Variants in VPS35L observed in about 807,000 individuals in gnomAD.
VPS35L encodes VPS35 endosomal protein sorting factor like.
A neutral mutation model predicts 133.0 loss-of-function variants in VPS35L; 83 were observed. The ratio of observed to expected loss-of-function variants is 0.62; its 90% CI spans 0.52 to 0.75. VPS35L has a LOEUF of 0.75. VPS35L is among the 30% of genes least tolerant of loss of function. The pLI is 0.00. For synonymous variants in VPS35L, 423 were observed against 449.9 expected, an observed-to-expected ratio of 0.94 and a Z score of 0.76; for missense variants, 1,083 against 1,206.8, an observed-to-expected ratio of 0.90 and a Z score of 1.52.
intron 5 of VPS35L, among the ~76,000 whole-genome samples, chr16:19,577,684 AT>A (rs1971580050): frequency 6.6e-6 from 1 of 152,076 alleles, no homozygotes; most frequent in Admixed American, 6.6e-5. Flanking sequence ...AGATGATGGT[AT>A]TAGGAGATGG....
In VPS35L at chr16:19,669,201, G is replaced by T; in HGVS notation, c.2263G>T (p.Val755Phe). Residue 755 changes from valine to phenylalanine, a missense_variant, in exon 27 of 31, where the codon GTT becomes TTT. Coordinates refer to ENST00000417362, the MANE Select transcript of VPS35L (RefSeq NM_020314.7). ...AGCCGCTATAAGCCTTGTTCCGGAA[G>T]TTCCAAAGATGATTAATATTGATGG... ...FKAAISLVPE[V>F]PKMINIDGKM... The T allele has an allele frequency of 6.2e-7, 1 of 1,612,254 alleles. No homozygotes were observed. Among genetic ancestry groups the T allele is most frequent in the Non-Finnish European group, 8.5e-7 (1 of 1,178,606 alleles).
chr16:19,612,599 A>T (rs1972759386), intron 12 of VPS35L, among the ~76,000 whole-genome samples: 1 of 152,216 alleles, frequency 6.6e-6, no homozygotes, highest in African/African-American at 2.4e-5. Context: ...TGTAGAACAT[A>T]GCAAATGCTT....
At chr16:19,638,287 T>C (rs1026483064) in intron 20 of VPS35L, among the ~76,000 whole-genome samples, 1 of 152,198 alleles carries the variant, frequency 6.6e-6, no homozygotes, top group Non-Finnish European at 1.5e-5. Context: ...TTATTCGACA[T>C]ATACCACACT....
At chr16:19,689,099 C>T (rs1272698880) in intron 28 of VPS35L, among the ~76,000 whole-genome samples, 3 of 147,578 alleles carry the variant, frequency 2.0e-5, no homozygotes, top group South Asian at 2.1e-4. Context: ...AGTGCAGGAG[C>T]GTGCCAGTAG....
chr16:19,664,147 A>T (rs540317131), intron 26 of VPS35L, among the ~76,000 whole-genome samples: 1 of 152,298 alleles, frequency 6.6e-6, no homozygotes, highest in East Asian at 1.9e-4. Context: ...ATACAAAATA[A>T]TGAGGTAGTC....
chr16:19,589,535 A>G (rs542726038), intron 7 of VPS35L, among the ~76,000 whole-genome samples: 2 of 152,142 alleles, frequency 1.3e-5, no homozygotes, highest in Non-Finnish European at 2.9e-5. Flanking sequence ...ATGAGCCACC[A>G]TGCCCAGCTG....
At chr16:19,664,294 T>C (rs1469402864) in intron 26 of VPS35L, among the ~76,000 whole-genome samples, 1 of 152,014 alleles carries the variant, frequency 6.6e-6, no homozygotes, top group African/African-American at 2.4e-5. Context: ...GGACGGTGGC[T>C]GCGTTTCTGG....
chr16:19,559,796 C>T (rs148038747), intron 1 of VPS35L, among the ~76,000 whole-genome samples: 4,063 of 152,166 alleles, frequency 0.027, 77 homozygotes, highest in Non-Finnish European at 0.041. Context: ...AAGCAATTCT[C>T]GTGCTTCAGC....
chr16:19,641,951 C>T (rs1290248802), intron 21 of VPS35L, among the ~76,000 whole-genome samples: 1 of 152,142 alleles, frequency 6.6e-6, no homozygotes, highest in African/African-American at 2.4e-5. Context: ...GGCTCACGCC[C>T]GTAATCCCAA....
intron 8 of VPS35L, among the ~76,000 whole-genome samples, chr16:19,600,662 TG>T (rs1972354469): frequency 6.6e-6 from 1 of 152,210 alleles, no homozygotes; most frequent in Non-Finnish European, 1.5e-5. Context: ...TCTCTGCCTT[TG>T]TGGAGCTTGC....
intron 27 of VPS35L, among the ~76,000 whole-genome samples, chr16:19,669,795 T>C (rs1157612664): frequency 1.3e-5 from 2 of 151,954 alleles, no homozygotes; most frequent in African/African-American, 4.8e-5. Context: ...CTCAGCCTCC[T>C]GAGTAGCTAG....
intron 7 of VPS35L, among the ~76,000 whole-genome samples, chr16:19,590,337 G>A (rs1972007435): frequency 6.6e-6 from 1 of 152,020 alleles, no homozygotes. Context: ...ACCATTCTCT[G>A]CATATTGGAA....
intron 18 of VPS35L, among the ~76,000 whole-genome samples, chr16:19,630,224 G>C (rs1234476817): frequency 6.6e-6 from 1 of 152,024 alleles, no homozygotes; most frequent in Non-Finnish European, 1.5e-5. Context: ...CCACAGTTAG[G>C]GGAATACTGG....
At chr16:19,637,880 A>G (rs986223231) in intron 20 of VPS35L, among the ~76,000 whole-genome samples, 3 of 152,244 alleles carry the variant, frequency 2.0e-5, no homozygotes. Flanking sequence ...TTTCTGTTTC[A>G]TTCCTTACTT....
intron 3 of VPS35L, among the ~76,000 whole-genome samples, chr16:19,569,822 C>A (rs1473324825): frequency 6.6e-6 from 1 of 151,164 alleles, no homozygotes; most frequent in East Asian, 1.9e-4. Context: ...GTACACACTA[C>A]TGTGCCGGGT....
At chr16:19,660,030 AACTT>A (rs768827363) in intron 26 of VPS35L, among the ~76,000 whole-genome samples, 11 of 152,130 alleles carry the variant, frequency 7.2e-5, no homozygotes, top group Non-Finnish European at 1.6e-4. Context: ...TTGTCTTAAG[AACTT>A]ACGATTTTTG....
intron 27 of VPS35L, among the ~76,000 whole-genome samples, chr16:19,675,228 G>C (rs1386786605): frequency 6.6e-6 from 1 of 150,524 alleles, no homozygotes; most frequent in Non-Finnish European, 1.5e-5. Flanking sequence ...TGGTGTTACA[G>C]GTGTGAGTCA....
intron 26 of VPS35L, among the ~76,000 whole-genome samples, chr16:19,664,380 G>A (rs551446314): frequency 6.6e-6 from 1 of 152,118 alleles, no homozygotes; most frequent in African/African-American, 2.4e-5. Flanking sequence ...AGTGCCGTGA[G>A]ATGCGTCAAT....
At position 19,610,243 on chromosome 16, in the gene VPS35L, C is replaced by G. The variant is rs1341599428; in HGVS notation, c.930-79C>G. On this transcript the variant is annotated intron_variant, in intron 11 of 30. Coordinates refer to ENST00000417362, the MANE Select transcript of VPS35L (RefSeq NM_020314.7). ...CCCCCCTCCCTGAAATTTAGGAAGT[C>G]TTTATCTTTATTTAAAAAATTAAAG... 5 of 1,243,842 alleles carry G rather than the reference C, an allele frequency of 4.0e-6. No individual in the cohort carries two copies. The African/African-American group carries it at 6.0e-5, about 15-fold the overall frequency. The allele number at this position is 1,243,842 out of a possible 1,614,324, so 77.1% of individuals were successfully genotyped here.
Sources: gnomAD v4.1 joint callset for allele counts (sites outside exome capture counted in the v4.1 genomes callset) on GRCh38, gnomAD v4.1.1 for gene constraint, MANE v1.5 for transcripts, NCBI Gene and HGNC (gene_info 2026-07-23, HGNC 2026-07-21) for gene names.